Variants in LPGAT1 observed in about 807,000 individuals in gnomAD.
LPGAT1 encodes the protein lysophosphatidylglycerol acyltransferase 1.
LPGAT1 carries 11 observed loss-of-function variants against 47.5 expected under a neutral mutation model. The ratio of observed to expected loss-of-function variants is 0.23; its 90% CI spans 0.15 to 0.38. The LOEUF is 0.38. Ranked by LOEUF, LPGAT1 falls within the 10% of genes least tolerant of loss-of-function variation. The pLI, the probability that LPGAT1 is intolerant of heterozygous loss-of-function variation, is 1.00. For missense variants in LPGAT1, 293 were observed against 439.0 expected, an observed-to-expected ratio of 0.67 and a Z score of 2.97; for synonymous variants, 138 against 144.2, an observed-to-expected ratio of 0.96 and a Z score of 0.31.
chr1:211,827,105 T>A (rs928219683), intron 2 of LPGAT1, among the ~76,000 whole-genome samples: 1 of 152,214 alleles, frequency 6.6e-6, no homozygotes, highest in Non-Finnish European at 1.5e-5. Flanking sequence ...ATGACCAGGC[T>A]CTCTGAAATC....
Position 211,830,280 on chromosome 1 carries a change from C to G in LPGAT1, c.-28+293G>C. On this transcript the variant is annotated intron_variant, in intron 1 of 7. Transcript: ENST00000366997. This position sits in a 1 kb window ranked among gnomAD's most constrained non-coding sequence, Gnocchi z 5.9. ...GGACGCGGTGGCGGCCCAAGCGGCC[C>G]GAGGCGCTGCGCGAGCGGGCGCGCT... 9.7e-7 allele frequency: 1 copy of G among 1,028,010 alleles called. No homozygotes were observed. The highest frequency in any genetic ancestry group is 1.2e-6 in the Non-Finnish European group (1 of 858,202). The allele number at this position is 1,028,010 out of a possible 1,614,324, so 63.7% of individuals were successfully genotyped here. A position where few individuals can be genotyped will look rare whatever the true frequency, so the allele number is the denominator to read the frequency against.
intron 4 of LPGAT1, among the ~76,000 whole-genome samples, chr1:211,785,508 T>G (rs1045296704): frequency 6.6e-6 from 1 of 152,164 alleles, no homozygotes; most frequent in Non-Finnish European, 1.5e-5. Flanking sequence ...ATAATCTTTA[T>G]GTATGCAAAA....
intron 2 of LPGAT1, among the ~76,000 whole-genome samples, chr1:211,811,306 G>A (rs1391846265): frequency 1.3e-5 from 2 of 152,186 alleles, no homozygotes. Flanking sequence ...GCAGGCTTGG[G>A]CCAGGTTATT....
intron 6 of LPGAT1, among the ~76,000 whole-genome samples, chr1:211,757,502 C>T (rs529192993): frequency 8.5e-5 from 13 of 152,210 alleles, no homozygotes; most frequent in African/African-American, 3.1e-4. Context: ...TGATTAAGTG[C>T]CAGATCATTT....
intron 5 of LPGAT1, among the ~76,000 whole-genome samples, chr1:211,779,269 T>A (rs535671968): frequency 6.6e-6 from 1 of 152,258 alleles, no homozygotes; most frequent in African/African-American, 2.4e-5. Context: ...AACACTATTA[T>A]CTACTGGACA....
chr1:211,830,315 C>G lies in LPGAT1; in HGVS notation c.-28+258G>C, dbSNP rs2102619207. The G allele has an allele frequency of 1.8e-6, 2 of 1,101,556 alleles. No individual in the cohort carries two copies. The highest frequency in any genetic ancestry group is 3.9e-4 in the Middle Eastern group (1 of 2,536). The allele number at this position is 1,101,556 out of a possible 1,614,324, so 68.2% of individuals were successfully genotyped here. On this transcript the variant is annotated intron_variant, in intron 1 of 7. Coordinates refer to ENST00000366997, the MANE Select transcript of LPGAT1 (RefSeq NM_014873.3). The surrounding 1 kb of genome is among the most constrained non-coding windows in gnomAD (Gnocchi z 5.9). Reference sequence around the variant, plus strand: ...CGCGAGCGGGCGCGCTGGCGCCCTACTCCCCTCGCGGCTGCCTGCGGACAG... The same window carrying G: ...CGCGAGCGGGCGCGCTGGCGCCCTAGTCCCCTCGCGGCTGCCTGCGGACAG...
At chr1:211,775,931 C>CAA (rs201006748) in intron 6 of LPGAT1, among the ~76,000 whole-genome samples, 160 of 77,274 alleles carry the variant, frequency 2.1e-3, no homozygotes, top group Middle Eastern at 7.6e-3. Context: ...AATGCCATCT[C>CAA]AAAAAAAAAA....
intron 2 of LPGAT1, among the ~76,000 whole-genome samples, chr1:211,814,727 C>CA: frequency 6.6e-6 from 1 of 152,300 alleles, no homozygotes; most frequent in South Asian, 2.1e-4. Flanking sequence ...TCACTCCCTC[C>CA]AGTATCACCC....
At chr1:211,764,515 A>G (rs1378582660) in intron 6 of LPGAT1, among the ~76,000 whole-genome samples, 1 of 152,244 alleles carries the variant, frequency 6.6e-6, no homozygotes, top group Non-Finnish European at 1.5e-5. Context: ...TTTATGGACA[A>G]AAACAGAAAC....
intron 1 of LPGAT1, chr1:211,829,561 T>C: frequency 8.9e-6 from 12 of 1,345,222 alleles, no homozygotes; most frequent in South Asian, 1.7e-5. Context: ...ACAATATATT[T>C]AGCAAATGAT....
intron 2 of LPGAT1, among the ~76,000 whole-genome samples, chr1:211,801,754 GAAAGAAAAGAAGGGA>G (rs376535966): frequency 6.6e-6 from 1 of 150,562 alleles, no homozygotes; most frequent in African/African-American, 2.4e-5. Context: ...GAGGGGAGGA[GAAAGAAAAGAAGGGA>G]AAAGAAAAGA....
Position 211,780,286 on chromosome 1 carries a change from T to C in LPGAT1, c.728-1242A>G, listed in dbSNP as rs369092462. On this transcript the variant is annotated intron_variant, in intron 5 of 7. Coordinates refer to ENST00000366997, the MANE Select transcript of LPGAT1 (RefSeq NM_014873.3). ...GAAAGCAATAAAGCTTCCTGCCCTT[T>C]GGAAGGTACAACTGGTGACTACTGT... 3.0e-4 allele frequency among the ~76,000 whole-genome samples: 46 copies of C among 152,308 alleles called. 1 individual carries two copies. In the South Asian group the frequency reaches 8.9e-3, roughly 29 times the overall value.
intron 6 of LPGAT1, among the ~76,000 whole-genome samples, chr1:211,771,110 A>C (rs973401019): frequency 1.3e-5 from 2 of 152,214 alleles, no homozygotes; most frequent in African/African-American, 4.8e-5. Context: ...AAAAAAAAAA[A>C]AAAACAACTT....
chr1:211,820,561 A>G (rs1444112099), intron 2 of LPGAT1, among the ~76,000 whole-genome samples: 1 of 151,842 alleles, frequency 6.6e-6, no homozygotes, highest in East Asian at 1.9e-4. Context: ...ATAGAAGAAT[A>G]AACAAAGCCA....
intron 2 of LPGAT1, among the ~76,000 whole-genome samples, chr1:211,826,221 T>G (rs890297751): frequency 6.6e-6 from 1 of 152,212 alleles, no homozygotes; most frequent in African/African-American, 2.4e-5. Flanking sequence ...ATGTATGAAT[T>G]TACAGGGCTC....
intron 2 of LPGAT1, among the ~76,000 whole-genome samples, chr1:211,800,715 C>T (rs977782970): frequency 6.6e-6 from 1 of 152,176 alleles, no homozygotes; most frequent in Admixed American, 6.6e-5. Context: ...CCTGACTCCA[C>T]CCCAATCTCC....
intron 2 of LPGAT1, among the ~76,000 whole-genome samples, chr1:211,800,528 G>A (rs1443048108): frequency 6.6e-6 from 1 of 152,112 alleles, no homozygotes; most frequent in Non-Finnish European, 1.5e-5. Flanking sequence ...TAATAACTGG[G>A]AATTAACTTT....
chr1:211,825,188 CTTTTTT>C (rs953536979), intron 2 of LPGAT1, among the ~76,000 whole-genome samples: 4 of 70,860 alleles, frequency 5.6e-5, no homozygotes, highest in Admixed American at 4.1e-4. Flanking sequence ...GCACAGTCTT[CTTTTTT>C]TTTTTTTTTT....
At chr1:211,766,356 T>C (rs1657914345) in intron 6 of LPGAT1, among the ~76,000 whole-genome samples, 1 of 152,186 alleles carries the variant, frequency 6.6e-6, no homozygotes, top group Non-Finnish European at 1.5e-5. Context: ...TCTTTCTACA[T>C]ATCTTTATAC....
Sources: allele counts gnomAD v4.1 joint callset (sites outside exome capture counted in the v4.1 genomes callset), GRCh38; gene constraint gnomAD v4.1.1; non-coding constraint Gnocchi (gnomAD v3.1); transcripts MANE v1.5; gene names NCBI Gene and HGNC (gene_info 2026-07-23, HGNC 2026-07-21).